The following PSMA1 variants were observed in gnomAD, a reference collection of about 807,000 sequenced individuals.
PSMA1 encodes the protein proteasome subunit alpha type-1.
In PSMA1, 3 loss-of-function variants were observed where a neutral mutation model predicts 38.4. The observed-to-expected ratio is 0.08, with a 90% confidence interval of 0.04 to 0.20. PSMA1 has a LOEUF of 0.20. Among genes scored for constraint, PSMA1 ranks in the 10% least tolerant of loss-of-function variants. The pLI is 1.00. For synonymous variants in PSMA1, 101 were observed against 107.1 expected, an observed-to-expected ratio of 0.94 and a Z score of 0.35; for missense variants, 227 against 325.3, an observed-to-expected ratio of 0.70 and a Z score of 2.32.
At chr11:14,626,134 AC>A in intron 1 of PSMA1, among the ~76,000 whole-genome samples, 1 of 139,888 alleles carries the variant, frequency 7.1e-6, no homozygotes, top group South Asian at 2.2e-4. Flanking sequence ...CTGTTCTTTC[AC>A]TTTTTTTTTT....
intron 2 of PSMA1, among the ~76,000 whole-genome samples, chr11:14,537,502 C>T (rs1851722385): frequency 6.8e-6 from 1 of 147,984 alleles, no homozygotes; most frequent in Admixed American, 6.7e-5. Context: ...AGTGTATGTT[C>T]ATGAATGATA....
At chr11:14,587,146 A>C (rs972698657) in intron 2 of PSMA1, among the ~76,000 whole-genome samples, 1 of 152,172 alleles carries the variant, frequency 6.6e-6, no homozygotes, top group Non-Finnish European at 1.5e-5. Context: ...TCTCAGATCC[A>C]TTCCCACCCT....
intron 2 of PSMA1, among the ~76,000 whole-genome samples, chr11:14,542,911 C>T (rs1020791736): frequency 1.3e-5 from 2 of 152,082 alleles, no homozygotes; most frequent in Non-Finnish European, 1.5e-5. Flanking sequence ...GCTGGAGTGC[C>T]GCGGCAAGAT....
intron 2 of PSMA1, among the ~76,000 whole-genome samples, chr11:14,537,525 T>G (rs1851722640): frequency 6.7e-6 from 1 of 149,278 alleles, no homozygotes; most frequent in Non-Finnish European, 1.5e-5. Flanking sequence ...GAGTAGGAAG[T>G]TGCTATAACT....
At chr11:14,508,722 G>A (rs991443814) in intron 8 of PSMA1, among the ~76,000 whole-genome samples, 20 of 152,106 alleles carry the variant, frequency 1.3e-4, no homozygotes, top group African/African-American at 4.8e-4. Context: ...AAAGCTATCT[G>A]CAATTCCTCG....
Position 14,611,182 on chromosome 11 carries a change from A to G in PSMA1, c.-165-31T>C. Reference sequence around the variant, plus strand: ...AGACAATGGAGAAGGTAAAAGGAACATGAGTTATATTAGATCTTCATCAGA... The same window carrying G: ...AGACAATGGAGAAGGTAAAAGGAACGTGAGTTATATTAGATCTTCATCAGA... On this transcript the variant is annotated intron_variant, in intron 1 of 10. Transcript: ENST00000418988. 5.3e-6 allele frequency: 3 copies of G among 560,932 alleles called. 1 individual carries two copies. Among genetic ancestry groups the G allele is most frequent in the East Asian group, 5.9e-5 (2 of 33,862 alleles). 34.7% of individuals were successfully genotyped at this position (560,932 alleles called of 1,614,324 possible).
intron 2 of PSMA1, among the ~76,000 whole-genome samples, chr11:14,552,720 T>A (rs1851899373): frequency 6.6e-6 from 1 of 151,914 alleles, no homozygotes; most frequent in Non-Finnish European, 1.5e-5. Context: ...TCTACCAACA[T>A]CCCAAATGTT....
chr11:14,518,683 T>G (rs1394794509), intron 2 of PSMA1, among the ~76,000 whole-genome samples: 1 of 152,148 alleles, frequency 6.6e-6, no homozygotes, highest in Non-Finnish European at 1.5e-5. Flanking sequence ...TCCTCTTTTT[T>G]CCTCCCCACT....
At chr11:14,566,969 G>A (rs1852079679) in intron 2 of PSMA1, among the ~76,000 whole-genome samples, 1 of 152,204 alleles carries the variant, frequency 6.6e-6, no homozygotes, top group South Asian at 2.1e-4. Flanking sequence ...AAAAACGACA[G>A]GTGTGCACCA....
chr11:14,521,001 T>C (rs1299808564), upstream of PSMA1, among the ~76,000 whole-genome samples: 1 of 152,204 alleles, frequency 6.6e-6, no homozygotes, highest in African/African-American at 2.4e-5. Flanking sequence ...TTGAACTCCA[T>C]GAGGGCGCTA....
At chr11:14,558,997 T>G (rs765483959) in intron 2 of PSMA1, among the ~76,000 whole-genome samples, 1 of 152,198 alleles carries the variant, frequency 6.6e-6, no homozygotes, top group Non-Finnish European at 1.5e-5. Context: ...ACCACCAATT[T>G]GCTGCCAACC....
chr11:14,631,250 G>A (rs1487984296), intron 1 of PSMA1, among the ~76,000 whole-genome samples: 3 of 152,066 alleles, frequency 2.0e-5, no homozygotes, highest in Non-Finnish European at 2.9e-5. Flanking sequence ...TCTTTTAATT[G>A]TGATGTTAGT....
At chr11:14,616,369 T>C (rs1201309365) in intron 1 of PSMA1, among the ~76,000 whole-genome samples, 1 of 151,694 alleles carries the variant, frequency 6.6e-6, no homozygotes, top group African/African-American at 2.4e-5. Context: ...GTAGCTGTGA[T>C]TACAGGCAAG....
upstream of PSMA1, among the ~76,000 whole-genome samples, chr11:14,521,369 G>A (rs144045197): frequency 0.01 from 1,575 of 151,372 alleles, 13 homozygotes; most frequent in Middle Eastern, 0.095. Context: ...GCATGGGCCT[G>A]TGGTCCCAGC....
At chr11:14,578,663 G>A (rs1034380563) in intron 2 of PSMA1, among the ~76,000 whole-genome samples, 2 of 152,212 alleles carry the variant, frequency 1.3e-5, no homozygotes, top group Non-Finnish European at 2.9e-5. Context: ...ATTCAGTTTC[G>A]TCAGTCAGGA....
chr11:14,614,073 G>T (rs1362886914), intron 1 of PSMA1, among the ~76,000 whole-genome samples: 1 of 151,876 alleles, frequency 6.6e-6, no homozygotes, highest in Non-Finnish European at 1.5e-5. Flanking sequence ...CTGGGATATG[G>T]GTTTAAATAA....
At chr11:14,515,780 C>T (rs1265778955) in intron 4 of PSMA1, among the ~76,000 whole-genome samples, 2 of 151,570 alleles carry the variant, frequency 1.3e-5, no homozygotes, top group African/African-American at 2.4e-5. Flanking sequence ...TCTTGAACTC[C>T]GGACCTCAGG....
intron 2 of PSMA1, among the ~76,000 whole-genome samples, chr11:14,546,241 C>T (rs1008086172): frequency 4.0e-5 from 6 of 151,254 alleles, no homozygotes; most frequent in Admixed American, 2.0e-4. Context: ...AAGAGAGGGG[C>T]AAGAGGGTTG....
intron 2 of PSMA1, among the ~76,000 whole-genome samples, chr11:14,592,948 T>C (rs1422684596): frequency 6.6e-6 from 1 of 152,210 alleles, no homozygotes; most frequent in Non-Finnish European, 1.5e-5. Context: ...TCATATTACT[T>C]GTCATTATCT....
Sources: allele counts gnomAD v4.1 joint callset (sites outside exome capture counted in the v4.1 genomes callset), GRCh38; gene constraint gnomAD v4.1.1; transcripts MANE v1.5; gene names NCBI Gene and HGNC (gene_info 2026-07-23, HGNC 2026-07-21).